SLC2A9: variants seen among roughly 807,000 people sequenced by gnomAD.
SLC2A9 encodes the protein solute carrier family 2, facilitated glucose transporter member 9.
In SLC2A9, 39 loss-of-function variants were observed where a neutral mutation model predicts 50.6. The ratio of observed to expected loss-of-function variants is 0.77; its 90% CI spans 0.60 to 1.01. SLC2A9 has a LOEUF of 1.01. Among genes scored for constraint, SLC2A9 ranks in the 50% least tolerant of loss-of-function variants. The probability of loss-of-function intolerance (pLI) is 0.00; values close to 1 mark genes in which losing one functional copy is unlikely to be tolerated. For missense variants in SLC2A9, 686 were observed against 677.6 expected (o/e 1.01, Z -0.14); for synonymous variants, 324 against 276.9 (o/e 1.17, Z -1.69).
intron 3 of SLC2A9, chr4:9,783,590 T>G (rs1333154617): frequency 1.1e-6 from 1 of 935,318 alleles, no homozygotes; most frequent in African/African-American, 1.7e-5. Flanking sequence ...TAGTAGCTCG[T>G]GTGCTTAGAA....
chr4:9,934,344 C>T (rs1200512473), intron 6 of SLC2A9, among the ~76,000 whole-genome samples: 1 of 152,240 alleles, frequency 6.6e-6, no homozygotes, highest in Non-Finnish European at 1.5e-5. Flanking sequence ...GGAGCAGATG[C>T]TTCCCTGGGT....
intron 11 of SLC2A9, among the ~76,000 whole-genome samples, chr4:9,832,448 G>A (rs1726327506): frequency 6.6e-6 from 1 of 152,178 alleles, no homozygotes; most frequent in African/African-American, 2.4e-5. Flanking sequence ...TACCTGCCCA[G>A]TGTCTCCATC....
intron 10 of SLC2A9, among the ~76,000 whole-genome samples, chr4:9,838,660 T>G (rs1361362377): frequency 1.3e-5 from 2 of 152,092 alleles, no homozygotes; most frequent in Non-Finnish European, 2.9e-5. Flanking sequence ...AACACATATA[T>G]AGACCAATGG....
Position 9,826,459 on chromosome 4 carries a change from A to G in SLC2A9, c.1561T>C (p.Tyr521His), listed in dbSNP as rs763308983. ...GAGTCGATTTTCTCTTCTGGTGGGTATGCTTTGTTCCTTTTGGAAAATGCC... is the reference window on the plus strand; with the variant it reads ...GAGTCGATTTTCTCTTCTGGTGGGTGTGCTTTGTTCCTTTTGGAAAATGCC... ...SQAFSKRNKA[Y>H]PPEEKIDSAV... The change falls in exon 12 of 12, where the codon TAC becomes CAC. Residue 521 changes from tyrosine to histidine, a missense_variant. By Grantham distance (83) the Tyr-to-His change is moderately conservative. Coordinates refer to ENST00000264784, the MANE Select transcript of SLC2A9 (RefSeq NM_020041.3). The G allele has an allele frequency of 2.5e-6, 4 of 1,613,082 alleles. No homozygotes were observed. Among genetic ancestry groups the G allele is most frequent in the East Asian group, 2.2e-5 (1 of 44,812 alleles).
At chr4:9,935,400 T>C (rs1378920267) in intron 6 of SLC2A9, among the ~76,000 whole-genome samples, 2 of 152,218 alleles carry the variant, frequency 1.3e-5, no homozygotes, top group Non-Finnish European at 2.9e-5. Flanking sequence ...TGGGAGCCTA[T>C]GGGTGGTGGC....
chr4:9,845,492 C>G (rs1429486514), intron 10 of SLC2A9, among the ~76,000 whole-genome samples: 1 of 138,136 alleles, frequency 7.2e-6, no homozygotes, highest in Non-Finnish European at 1.5e-5. Flanking sequence ...TGCAGTGGCG[C>G]GATCTCGGCT....
intron 5 of SLC2A9, among the ~76,000 whole-genome samples, chr4:9,979,395 G>A (rs140602684): frequency 1.3e-3 from 197 of 152,220 alleles, no homozygotes; most frequent in African/African-American, 4.4e-3. Context: ...TGCACTGTTC[G>A]TGCCTAGAAC....
chr4:9,822,439 TCTC>T (rs144142512), downstream of SLC2A9, among the ~76,000 whole-genome samples: 625 of 152,288 alleles, frequency 4.1e-3, 6 homozygotes, highest in Non-Finnish European at 4.3e-3. Flanking sequence ...AACTACATAA[TCTC>T]CTCTTTATCA....
At chr4:9,786,291 C>T (rs1186056774) in intron 3 of SLC2A9, among the ~76,000 whole-genome samples, 1 of 152,166 alleles carries the variant, frequency 6.6e-6, no homozygotes, top group Non-Finnish European at 1.5e-5. Flanking sequence ...AAATAACCAG[C>T]CTGTGGTCAC....
At chr4:9,963,027 C>T (rs1047307771) in intron 5 of SLC2A9, among the ~76,000 whole-genome samples, 23 of 152,184 alleles carry the variant, frequency 1.5e-4, no homozygotes, top group African/African-American at 2.9e-4. Context: ...GGCCCTCTCT[C>T]GCTGCATTAG....
At chr4:10,006,848 G>A (rs1324787432) in intron 2 of SLC2A9, among the ~76,000 whole-genome samples, 1 of 151,856 alleles carries the variant, frequency 6.6e-6, no homozygotes, top group Non-Finnish European at 1.5e-5. Context: ...TGGGAATCTG[G>A]AATTTTCTGC....
At chr4:9,879,754 C>G in intron 10 of SLC2A9, 1 of 985,418 alleles carries the variant, frequency 1.0e-6, no homozygotes, top group Non-Finnish European at 1.2e-6. Flanking sequence ...GTCAGGGCTT[C>G]ATGTGATTTT....
intron 3 of SLC2A9, among the ~76,000 whole-genome samples, chr4:9,805,590 A>G (rs1223459458): frequency 6.6e-6 from 1 of 151,318 alleles, no homozygotes; most frequent in Non-Finnish European, 1.5e-5. Flanking sequence ...AGTCTTACCT[A>G]CTCAGGAGGC....
intron 6 of SLC2A9, among the ~76,000 whole-genome samples, chr4:9,923,360 GT>G (rs1744280722): frequency 6.6e-6 from 1 of 152,230 alleles, no homozygotes; most frequent in African/African-American, 2.4e-5. Context: ...TATATAACCT[GT>G]TTGTGTAAGT....
intron 3 of SLC2A9, among the ~76,000 whole-genome samples, chr4:9,804,880 A>C (rs1721916055): frequency 6.6e-6 from 1 of 151,908 alleles, no homozygotes; most frequent in Admixed American, 6.6e-5. Flanking sequence ...TAACAGGGGG[A>C]AGTAGTTGGA....
downstream of SLC2A9, among the ~76,000 whole-genome samples, chr4:9,777,508 T>A (rs1717727153): frequency 6.6e-6 from 1 of 151,660 alleles, no homozygotes; most frequent in Non-Finnish European, 1.5e-5. Flanking sequence ...AATGAATGGA[T>A]TGGTGAAAGT....
chr4:10,031,023 TG>T (rs1182509528), intron 1 of SLC2A9, among the ~76,000 whole-genome samples: 1 of 152,134 alleles, frequency 6.6e-6, no homozygotes, highest in Admixed American at 6.5e-5. Flanking sequence ...GAAAAGTGAG[TG>T]GCCCTGCCTT....
chr4:9,980,365 G>C (rs1755515879), intron 5 of SLC2A9, among the ~76,000 whole-genome samples: 1 of 152,084 alleles, frequency 6.6e-6, no homozygotes, highest in Non-Finnish European at 1.5e-5. Flanking sequence ...ATAATTACTG[G>C]GTGGGTGGAC....
intron 6 of SLC2A9, among the ~76,000 whole-genome samples, chr4:9,928,506 C>T (rs953284270): frequency 6.6e-5 from 10 of 152,190 alleles, no homozygotes; most frequent in African/African-American, 2.4e-4. Context: ...CCAAGGCAGG[C>T]AGATCACCCG....
Sources: gnomAD v4.1 joint callset for allele counts (sites outside exome capture counted in the v4.1 genomes callset) on GRCh38, gnomAD v4.1.1 for gene constraint, MANE v1.5 for transcripts, NCBI Gene and HGNC (gene_info 2026-07-23, HGNC 2026-07-21) for gene names.